The following FSTL5 variants were observed in gnomAD, a reference collection of about 807,000 sequenced individuals.
FSTL5 encodes the protein follistatin like 5.
A neutral mutation model predicts 89.1 loss-of-function variants in FSTL5; 62 were observed. The ratio of observed to expected loss-of-function variants is 0.70; its 90% CI spans 0.57 to 0.86. The LOEUF (loss-of-function observed/expected upper bound fraction) is 0.86, where lower values mean the gene tolerates loss of function less well. Among genes scored for constraint, FSTL5 ranks in the 40% least tolerant of loss-of-function variants. FSTL5 has a pLI of 0.00. For missense variants in FSTL5, 1,057 were observed against 1,001.6 expected (o/e 1.06, Z -0.75); for synonymous variants, 383 against 346.2 (o/e 1.11, Z -1.18).
At chr4:162,056,926 A>G (rs1307977594) in intron 2 of FSTL5, among the ~76,000 whole-genome samples, 1 of 152,220 alleles carries the variant, frequency 6.6e-6, no homozygotes, top group Non-Finnish European at 1.5e-5. Context: ...ACTAATAAAA[A>G]TACTATTATT....
At chr4:161,561,501 T>A (rs4356872) in intron 8 of FSTL5, among the ~76,000 whole-genome samples, 74,707 of 151,742 alleles carry the variant, frequency 0.49, 18,521 homozygotes, top group Middle Eastern at 0.6. Flanking sequence ...TATTTTTTGG[T>A]TTGGTGAAAA....
chr4:161,831,191 T>C (rs1275039122), intron 4 of FSTL5, among the ~76,000 whole-genome samples: 2 of 152,018 alleles, frequency 1.3e-5, no homozygotes, highest in Non-Finnish European at 2.9e-5. Context: ...ATCATGTATA[T>C]ATATTTTATA....
intron 6 of FSTL5, among the ~76,000 whole-genome samples, chr4:161,717,155 G>A (rs1417541394): frequency 6.6e-6 from 1 of 152,138 alleles, no homozygotes. Flanking sequence ...AGACCCAAAT[G>A]CCCTTAATTC....
At chr4:161,628,900 T>A (rs565309416) in intron 7 of FSTL5, among the ~76,000 whole-genome samples, 1 of 152,340 alleles carries the variant, frequency 6.6e-6, no homozygotes, top group South Asian at 2.1e-4. Context: ...TTTTATTAAT[T>A]GGTTAGCATA....
chr4:161,844,607 C>T (rs1224444518), intron 4 of FSTL5, among the ~76,000 whole-genome samples: 1 of 152,040 alleles, frequency 6.6e-6, no homozygotes, highest in Non-Finnish European at 1.5e-5. Context: ...ACCATGCAAC[C>T]ATAAAAAAGG....
chr4:161,610,069 A>C (rs2126634262), intron 7 of FSTL5, among the ~76,000 whole-genome samples: 1 of 152,268 alleles, frequency 6.6e-6, no homozygotes. Context: ...TGTCAATTAA[A>C]AATTTTTAAT....
chr4:161,532,078 G>A (rs756158904), intron 10 of FSTL5, among the ~76,000 whole-genome samples: 9 of 151,878 alleles, frequency 5.9e-5, no homozygotes, highest in Admixed American at 2.6e-4. Flanking sequence ...GGTGGTGGGC[G>A]CCTGTAGTCC....
chr4:161,686,354 T>TC (rs1737745660), intron 6 of FSTL5, among the ~76,000 whole-genome samples: 1 of 70,158 alleles, frequency 1.4e-5, no homozygotes. Flanking sequence ...ATATTTTTTT[T>TC]TTTTTTTTTT....
At chr4:161,594,879 A>C (rs1285955874) in intron 7 of FSTL5, among the ~76,000 whole-genome samples, 1 of 152,022 alleles carries the variant, frequency 6.6e-6, no homozygotes, top group Admixed American at 6.6e-5. Flanking sequence ...AATTTAAATG[A>C]AACATGAAAT....
At chr4:162,056,477 T>C (rs1738545839) in intron 2 of FSTL5, among the ~76,000 whole-genome samples, 1 of 152,156 alleles carries the variant, frequency 6.6e-6, no homozygotes, top group Non-Finnish European at 1.5e-5. Flanking sequence ...AGAATGTTCC[T>C]AGCAGCATTG....
At chr4:161,602,255 GAGA>G (rs1296771643) in intron 7 of FSTL5, among the ~76,000 whole-genome samples, 10 of 25,374 alleles carry the variant, frequency 3.9e-4, no homozygotes, top group African/African-American at 1.2e-3. Flanking sequence ...GGGAGAGAAA[GAGA>G]GAGAGAGAGA....
chr4:161,572,318 T>TAAAA (rs755306574), intron 8 of FSTL5, among the ~76,000 whole-genome samples: 5 of 64,052 alleles, frequency 7.8e-5, no homozygotes, highest in African/African-American at 3.3e-4. Flanking sequence ...AGACTCCGTC[T>TAAAA]AAAAAAAAAA....
chr4:161,561,068 A>G (rs1732578637), intron 8 of FSTL5, among the ~76,000 whole-genome samples: 1 of 151,950 alleles, frequency 6.6e-6, no homozygotes, highest in Non-Finnish European at 1.5e-5. Context: ...TGACATTACA[A>G]TAGCTACGAC....
intron 2 of FSTL5, among the ~76,000 whole-genome samples, chr4:162,042,264 T>C (rs1737993612): frequency 1.3e-5 from 2 of 152,204 alleles, no homozygotes; most frequent in South Asian, 4.1e-4. Context: ...TTAGAAGTAG[T>C]TGGAAACATC....
chr4:161,993,603 T>A (rs1736200879), intron 3 of FSTL5, among the ~76,000 whole-genome samples: 3 of 152,056 alleles, frequency 2.0e-5, no homozygotes, highest in South Asian at 4.1e-4. Flanking sequence ...TACATTGAAA[T>A]CAAAAGTTTT....
At chr4:162,095,673 T>C (rs566552353) in intron 2 of FSTL5, among the ~76,000 whole-genome samples, 1 of 152,126 alleles carries the variant, frequency 6.6e-6, no homozygotes, top group South Asian at 2.1e-4. Flanking sequence ...TTCACTATAA[T>C]GATGGACTTA....
chr4:161,691,841 C>A (rs1229202614), intron 6 of FSTL5, among the ~76,000 whole-genome samples: 2 of 151,968 alleles, frequency 1.3e-5, no homozygotes, highest in Admixed American at 6.6e-5. Flanking sequence ...ATAGAAGCAC[C>A]ACTAATTTTT....
chr4:162,153,722 A>ATATG (rs1427339040), intron 1 of FSTL5, among the ~76,000 whole-genome samples: 5 of 79,064 alleles, frequency 6.3e-5, no homozygotes, highest in Admixed American at 1.6e-4. Context: ...GTATATAATA[A>ATATG]TATATGTATA....
At chr4:162,049,786 G>T (rs1358310193) in intron 2 of FSTL5, among the ~76,000 whole-genome samples, 5 of 151,916 alleles carry the variant, frequency 3.3e-5, no homozygotes, top group African/African-American at 1.2e-4. Context: ...TAAAAGATCT[G>T]AAAAAATTAT....
Sources: allele counts gnomAD v4.1 joint callset (sites outside exome capture counted in the v4.1 genomes callset), GRCh38; gene constraint gnomAD v4.1.1; transcripts MANE v1.5; gene names NCBI Gene and HGNC (gene_info 2026-07-23, HGNC 2026-07-21).